POLA1: variants seen among roughly 807,000 people sequenced by gnomAD.
POLA1 encodes DNA polymerase alpha 1, catalytic subunit.
In POLA1, 15 loss-of-function variants were observed where a neutral mutation model predicts 124.0. The observed-to-expected ratio is 0.12, with a 90% CI of 0.08 to 0.19. POLA1 has a LOEUF of 0.19. Ranked by LOEUF, POLA1 falls within the 10% of genes least tolerant of loss-of-function variation. The pLI, the probability that POLA1 is intolerant of heterozygous loss-of-function variation, is 1.00. For missense variants in POLA1, 886 were observed against 1,103.4 expected, an observed-to-expected ratio of 0.80 and a Z score of 2.79; for synonymous variants, 408 against 389.4, an observed-to-expected ratio of 1.05 and a Z score of -0.56.
chrX:24,768,374 C>T (rs768879167), intron 26 of POLA1, among the ~76,000 whole-genome samples: 2 of 111,577 alleles, frequency 1.8e-5, no homozygotes, highest in Admixed American at 9.5e-5. Flanking sequence ...TTCTTTCTGT[C>T]GTATGTATTT....
At chrX:24,694,118 G>C in intron 1 of POLA1, 114 bp downstream of exon 1, 1 of 752,655 alleles carries the variant, frequency 1.3e-6, no homozygotes, top group Non-Finnish European at 1.9e-6. Flanking sequence ...GACCTTGGTC[G>C]TCCCCGGCGG....
At chrX:24,748,281 T>C in intron 24 of POLA1, 30 bp from the exon 25 acceptor site, 1 of 1,120,108 alleles carries the variant, frequency 8.9e-7, no homozygotes. Context: ...AAAAGTTTGA[T>C]TTGTGTGAAA....
At chrX:24,752,629 CATT>C (rs1247178773) in intron 26 of POLA1, among the ~76,000 whole-genome samples, 1 of 111,897 alleles carries the variant, frequency 8.9e-6, no homozygotes, top group African/African-American at 3.2e-5. Flanking sequence ...ACCCTGAGAT[CATT>C]AATCAATTAA....
intron 35 of POLA1, among the ~76,000 whole-genome samples, chrX:24,888,425 A>G (rs1257159504): frequency 2.7e-5 from 3 of 110,396 alleles, no homozygotes; most frequent in Non-Finnish European, 5.7e-5. Flanking sequence ...AGAAACTGCT[A>G]TCGTCTTTGG....
intron 35 of POLA1, among the ~76,000 whole-genome samples, chrX:24,929,403 G>A (rs2047740680): frequency 8.9e-6 from 1 of 112,220 alleles, no homozygotes; most frequent in African/African-American, 3.2e-5. Context: ...TTCAGTGTTG[G>A]TTAAATTACA....
intron 34 of POLA1, among the ~76,000 whole-genome samples, chrX:24,865,203 G>T (rs1009514438): frequency 2.7e-5 from 3 of 112,145 alleles, no homozygotes; most frequent in African/African-American, 9.7e-5. Context: ...AACAGAATAG[G>T]TGTTCAGTAA....
In POLA1 at chrX:24,841,816, G is replaced by A. The variant is rs56090108; in HGVS notation, c.3901G>A (p.Val1301Ile). 620 of 1,192,634 alleles carry A rather than the reference G, an allele frequency of 5.2e-4. 6 individuals carry two copies. In the East Asian group the frequency reaches 0.018, roughly 35 times the overall value. Reference protein sequence around the residue: ...TCGTENIYDNVFDGSGTDMEP... With the variant: ...TCGTENIYDNIFDGSGTDMEP... ...TGGAACTGAGAATATTTATGATAAT[G>A]TCTTTGATGGTTCGGTTAGTTGTTT... is the stretch of plus-strand genomic sequence containing the variant. The change falls in exon 33 of 37, where the codon GTC becomes ATC. Residue 1301 changes from valine (V) to isoleucine (I), a missense_variant. Coordinates refer to ENST00000379068, the MANE Select transcript of POLA1 (RefSeq NM_001330360.2).
chrX:24,754,663 T>G (rs1180927994), intron 26 of POLA1, among the ~76,000 whole-genome samples: 1 of 112,069 alleles, frequency 8.9e-6, no homozygotes, highest in East Asian at 2.8e-4. Context: ...TTTTTCTTTT[T>G]CGGAGGTAAC....
chrX:24,733,688 ACTATATGATTAC>A (rs1931079501), intron 16 of POLA1, 55 bp from the exon 17 acceptor site: 5 of 587,214 alleles, frequency 8.5e-6, no homozygotes, highest in Non-Finnish European at 1.4e-5. Context: ...GGAAACATGT[ACTATATGATTAC>A]CTGAAATTAG....
At chrX:24,907,715 T>C (rs939929145) in intron 35 of POLA1, among the ~76,000 whole-genome samples, 4 of 111,936 alleles carry the variant, frequency 3.6e-5, no homozygotes, top group African/African-American at 1.3e-4. Context: ...GCTCTGAGAA[T>C]TGCTAAAGGA....
At chrX:24,959,417 G>T (rs886250868) in intron 36 of POLA1, among the ~76,000 whole-genome samples, 1 of 107,681 alleles carries the variant, frequency 9.3e-6, no homozygotes, top group East Asian at 2.9e-4. Flanking sequence ...TGAGCCAAGA[G>T]CGCACCACTG....
intron 35 of POLA1, among the ~76,000 whole-genome samples, chrX:24,921,452 C>T (rs949495694): frequency 4.5e-5 from 5 of 112,218 alleles, no homozygotes; most frequent in Admixed American, 1.9e-4. Flanking sequence ...AACTGTGTCA[C>T]AGTATTGGAG....
intron 34 of POLA1, among the ~76,000 whole-genome samples, chrX:24,883,172 T>G (rs960815828): frequency 1.8e-5 from 2 of 112,251 alleles, no homozygotes; most frequent in African/African-American, 6.5e-5. Context: ...TCATGTCCTT[T>G]GCTCACTTTT....
At chrX:24,860,968 G>C (rs746647105) in intron 34 of POLA1, among the ~76,000 whole-genome samples, 11 of 111,801 alleles carry the variant, frequency 9.8e-5, no homozygotes, top group Admixed American at 2.8e-4. Flanking sequence ...TCTGTTGAGG[G>C]CAAGAGTCAG....
chrX:24,733,745 C>CT lies in POLA1; in HGVS notation c.1772-5dup. 9.7e-7 allele frequency: 1 copy of CT among 1,030,329 alleles called. No homozygotes were observed. Among genetic ancestry groups the CT allele is most frequent in the Non-Finnish European group, 1.3e-6 (1 of 753,388 alleles). 84.9% of individuals were successfully genotyped at this position (1,030,329 alleles called of 1,213,427 possible). On this transcript the variant is annotated splice_polypyrimidine_tract_variant and intron_variant, in intron 16 of 36. Transcript: ENST00000379068. ...GGTGTTGGAATCTTTATTTTTTTTC[C>CT]TTTTTACAGTTGTGTCTAAACCAAA...
rs769735751 is a variant in POLA1, at chrX:24,925,243, A to G, written c.4165-5210A>G. ...GCAGCTGATTTTCCTTCATGATTTGATATTTTTCAGGCTTCACCAAAATGA... is the reference window on the plus strand; with the variant it reads ...GCAGCTGATTTTCCTTCATGATTTGGTATTTTTCAGGCTTCACCAAAATGA... On this transcript the variant is annotated intron_variant, in intron 35 of 36. Coordinates refer to ENST00000379068, the MANE Select transcript of POLA1 (RefSeq NM_001330360.2). Among the ~76,000 whole-genome samples, 8 of 111,798 alleles carry G rather than the reference A, an allele frequency of 7.2e-5. No individual in the cohort carries two copies. In the East Asian group the frequency reaches 2.0e-3, roughly 28 times the overall value.
At chrX:24,981,306 TCA>T (rs779382698) in intron 36 of POLA1, among the ~76,000 whole-genome samples, 1 of 112,138 alleles carries the variant, frequency 8.9e-6, no homozygotes, top group South Asian at 3.8e-4. Flanking sequence ...ATGTGAACTC[TCA>T]GATTCCCCAA....
intron 26 of POLA1, among the ~76,000 whole-genome samples, chrX:24,773,010 A>G (rs2045070021): frequency 8.9e-6 from 1 of 112,095 alleles, no homozygotes; most frequent in African/African-American, 3.2e-5. Context: ...TTTTACTAGC[A>G]ATGTGTGAAA....
rs1024109812 is a variant in POLA1, at chrX:24,834,875, G to C, written c.3737-6777G>C. ...AGTAGAGAATATAAAATTTTTTCTA[G>C]TATCACACATATTAAATTATAGGGT... is the stretch of plus-strand genomic sequence containing the variant. On this transcript the variant is annotated intron_variant, in intron 32 of 36. Coordinates refer to ENST00000379068, the MANE Select transcript of POLA1 (RefSeq NM_001330360.2). Among the ~76,000 whole-genome samples the C allele has an allele frequency of 7.2e-5, 8 of 110,664 alleles. No individual in the cohort carries two copies. The Admixed American group carries it at 7.7e-4, about 11-fold the overall frequency.
Sources: gnomAD v4.1 joint callset for allele counts (sites outside exome capture counted in the v4.1 genomes callset) on GRCh38, gnomAD v4.1.1 for gene constraint, MANE v1.5 for transcripts, NCBI Gene and HGNC (gene_info 2026-07-23, HGNC 2026-07-21) for gene names.